Variants in RAD54B observed in about 807,000 individuals in gnomAD.
RAD54B encodes the protein RAD54 homolog B.
RAD54B carries 78 observed loss-of-function variants against 95.8 expected under a neutral mutation model. That is an observed-to-expected ratio of 0.81 (90% confidence interval 0.68 to 0.98). RAD54B has a LOEUF of 0.98. Among genes scored for constraint, RAD54B ranks in the 50% least tolerant of loss-of-function variants. The probability of loss-of-function intolerance (pLI) is 0.00; values close to 1 mark genes in which losing one functional copy is unlikely to be tolerated. For synonymous variants in RAD54B, 328 were observed against 354.9 expected, an observed-to-expected ratio of 0.92 and a Z score of 0.85; for missense variants, 957 against 1,056.6, an observed-to-expected ratio of 0.91 and a Z score of 1.31.
At chr8:94,472,370 G>A (rs917857241) in intron 1 of RAD54B, among the ~76,000 whole-genome samples, 1 of 152,138 alleles carries the variant, frequency 6.6e-6, no homozygotes, top group Non-Finnish European at 1.5e-5. Flanking sequence ...GTCACAGGAC[G>A]ACATGGATGT....
rs551206157 is a variant in RAD54B at position 94,407,722 on chromosome 8, TTTAAG to T, written c.500-7_500-3del. The stretch of plus-strand genomic sequence containing the variant: ...GCTCTTTGAATTTATAACCAATGCC[TTTAAG>T]TTAAGAAAGAAAAAAATTAATTGAC... On this transcript the variant is annotated splice_region_variant and splice_polypyrimidine_tract_variant and intron_variant, in intron 4 of 14. Transcript: ENST00000336148. The T allele has an allele frequency of 1.9e-4, 303 of 1,602,906 alleles. 1 individual carries two copies. The African/African-American group carries it at 3.6e-3, about 19-fold the overall frequency.
At chr8:94,394,984 T>C (rs574262236) in intron 8 of RAD54B, among the ~76,000 whole-genome samples, 12 of 152,112 alleles carry the variant, frequency 7.9e-5, no homozygotes, top group Non-Finnish European at 1.5e-4. Context: ...AGACACATCA[T>C]TGAAAGAGTT....
At chr8:94,460,164 A>G (rs936254729) in intron 2 of RAD54B, among the ~76,000 whole-genome samples, 20 of 148,126 alleles carry the variant, frequency 1.4e-4, no homozygotes, top group South Asian at 2.1e-4. Flanking sequence ...TCTCAAAAAA[A>G]AAAAGATGAA....
intron 1 of RAD54B, among the ~76,000 whole-genome samples, chr8:94,470,914 A>T (rs1160687863): frequency 6.6e-6 from 1 of 152,218 alleles, no homozygotes; most frequent in Non-Finnish European, 1.5e-5. Flanking sequence ...TCGAGTCAGT[A>T]CTATTCCCCA....
intron 6 of RAD54B, among the ~76,000 whole-genome samples, chr8:94,400,796 G>C (rs1487408459): frequency 2.6e-5 from 4 of 152,060 alleles, no homozygotes; most frequent in Non-Finnish European, 5.9e-5. Context: ...ACTAAGAGTT[G>C]AGTGATTTTT....
chr8:94,458,792 A>G (rs1812835565), intron 2 of RAD54B, among the ~76,000 whole-genome samples: 1 of 152,074 alleles, frequency 6.6e-6, no homozygotes, highest in Non-Finnish European at 1.5e-5. Context: ...GCTTGAACTC[A>G]GGAGGCGGAG....
At chr8:94,390,516 A>G (rs945111911) in intron 10 of RAD54B, among the ~76,000 whole-genome samples, 7 of 149,340 alleles carry the variant, frequency 4.7e-5, no homozygotes, top group African/African-American at 1.5e-4. Context: ...ATAAATAAAT[A>G]AACAAATAAA....
intron 3 of RAD54B, among the ~76,000 whole-genome samples, chr8:94,422,663 AGT>A (rs1367158255): frequency 4.4e-5 from 5 of 114,744 alleles, no homozygotes; most frequent in Non-Finnish European, 7.0e-5. Context: ...TAAAATTATC[AGT>A]GTTACAGCTC....
chr8:94,412,222 G>A (rs558885678), intron 3 of RAD54B, among the ~76,000 whole-genome samples: 3 of 152,300 alleles, frequency 2.0e-5, no homozygotes, highest in Admixed American at 2.0e-4. Flanking sequence ...TTTAAAGGCT[G>A]AGTAGTGTTC....
At chr8:94,421,201 T>C (rs1431468822) in intron 3 of RAD54B, among the ~76,000 whole-genome samples, 1 of 152,206 alleles carries the variant, frequency 6.6e-6, no homozygotes, top group African/African-American at 2.4e-5. Flanking sequence ...ACCCACAGGT[T>C]GTGTTTTTAG....
At chr8:94,445,396 C>T (rs1459841758) in intron 3 of RAD54B, among the ~76,000 whole-genome samples, 4 of 152,134 alleles carry the variant, frequency 2.6e-5, no homozygotes, top group Non-Finnish European at 5.9e-5. Flanking sequence ...TTTCACTTTC[C>T]TGACGCTACT....
chr8:94,444,482 A>T (rs1177707223), intron 3 of RAD54B, among the ~76,000 whole-genome samples: 2 of 152,184 alleles, frequency 1.3e-5, no homozygotes, highest in African/African-American at 4.8e-5. Context: ...GCAGCAATTA[A>T]AAAGAATAAG....
chr8:94,444,028 C>T (rs1812462406), intron 3 of RAD54B, among the ~76,000 whole-genome samples: 1 of 151,892 alleles, frequency 6.6e-6, no homozygotes, highest in Admixed American at 6.6e-5. Context: ...GCTCCTGTAT[C>T]ATATAAAATT....
chr8:94,462,344 A>G (rs528191412), intron 2 of RAD54B, among the ~76,000 whole-genome samples: 9 of 152,224 alleles, frequency 5.9e-5, no homozygotes, highest in African/African-American at 1.9e-4. Context: ...ACATTTACCC[A>G]CTAGTTTTGG....
chr8:94,430,379 C>T (rs983812999), intron 3 of RAD54B: 1 of 984,806 alleles, frequency 1.0e-6, no homozygotes, highest in African/African-American at 1.8e-5. Context: ...AATTTATATC[C>T]CTCAGTTCAC....
intron 3 of RAD54B, among the ~76,000 whole-genome samples, chr8:94,450,384 G>A (rs909487419): frequency 6.6e-6 from 1 of 152,150 alleles, no homozygotes; most frequent in African/African-American, 2.4e-5. Flanking sequence ...GCAAAAGGTT[G>A]ACATGATAGG....
Position 94,387,051 on chromosome 8 carries a change from C to T in RAD54B, c.1918G>A (p.Glu640Lys). The T allele has an allele frequency of 6.2e-7, 1 of 1,613,640 alleles. No homozygotes were observed. Among genetic ancestry groups the T allele is most frequent in the Non-Finnish European group, 8.5e-7 (1 of 1,179,780 alleles). Residue 640 changes from glutamate (E) to lysine (K), a missense_variant, in exon 11 of 15, where the codon GAG becomes AAG. By Grantham distance (56) the Glu-to-Lys change is moderately conservative. Transcript: ENST00000336148. ...DYNPLLFTEK[E>K]SGKLQVLSKL... ...GACAACACCTGTAGTTTTCCTGACT[C>T]CTTTTCAGTAAACAGGAGAGGGTTG...
rs572889956 is a variant in RAD54B, at chr8:94,414,046, G to A, written c.305-2731C>T. Among the ~76,000 whole-genome samples the A allele has an allele frequency of 2.0e-5, 3 of 152,114 alleles. No homozygotes were observed. The East Asian group carries it at 5.8e-4, about 29-fold the overall frequency. On this transcript the variant is annotated intron_variant, in intron 3 of 14. Transcript: ENST00000336148. The stretch of plus-strand genomic sequence containing the variant: ...AGACGGGGTTTCACCAGGTTGGCCA[G>A]GCTGGTCTTGAATTTGTGACCTCAA...
At chr8:94,412,446 C>T (rs1554605288) in intron 3 of RAD54B, among the ~76,000 whole-genome samples, 4 of 150,494 alleles carry the variant, frequency 2.7e-5, no homozygotes, top group Non-Finnish European at 5.9e-5. Context: ...CAAATAAGAA[C>T]AAGTATAAAA....
Sources: allele counts gnomAD v4.1 joint callset (sites outside exome capture counted in the v4.1 genomes callset), GRCh38; gene constraint gnomAD v4.1.1; transcripts MANE v1.5; gene names NCBI Gene and HGNC (gene_info 2026-07-23, HGNC 2026-07-21).